The following PEAK1 variants were observed in gnomAD, a reference collection of about 807,000 sequenced individuals.
The protein encoded by PEAK1 is inactive tyrosine-protein kinase PEAK1.
A neutral mutation model predicts 124.7 loss-of-function variants in PEAK1; 54 were observed. The ratio of observed to expected loss-of-function variants is 0.43; its 90% CI spans 0.35 to 0.54. PEAK1 has a LOEUF of 0.54. Ranked by LOEUF, PEAK1 falls within the 20% of genes least tolerant of loss-of-function variation. The probability of loss-of-function intolerance (pLI) is 0.01; values close to 1 mark genes in which losing one functional copy is unlikely to be tolerated. For synonymous variants in PEAK1, 719 were observed against 760.0 expected, an observed-to-expected ratio of 0.95 and a Z score of 0.89; for missense variants, 2,046 against 2,134.5, an observed-to-expected ratio of 0.96 and a Z score of 0.82.
intron 9 of PEAK1, among the ~76,000 whole-genome samples, chr15:77,118,536 T>G (rs12904384): frequency 0.37 from 55,869 of 152,072 alleles, 11,397 homozygotes; most frequent in Non-Finnish European, 0.47. Context: ...TCCTGTCAAA[T>G]TTTTTCCTTC....
chr15:77,250,162 T>C (rs28608476), intron 6 of PEAK1, among the ~76,000 whole-genome samples: 3 of 142,248 alleles, frequency 2.1e-5, no homozygotes, highest in African/African-American at 8.0e-5. Context: ...TATACATATA[T>C]ATACATATAT....
rs1391780168 is a variant in PEAK1 at position 77,158,715 on chromosome 15, C to G, written c.3138-19G>C. The G allele has an allele frequency of 6.2e-7, 1 of 1,606,628 alleles. No individual in the cohort carries two copies. The highest frequency in any genetic ancestry group is 1.3e-5 in the African/African-American group (1 of 74,946). ...CATGTGACTGAAACAAATCAGACCA[C>G]TTGTCACACTGGTATTGGAAGGTTC... On this transcript the variant is annotated intron_variant, in intron 7 of 9. Transcript: ENST00000682557.
intron 6 of PEAK1, among the ~76,000 whole-genome samples, chr15:77,235,771 A>G (rs1035746902): frequency 6.6e-6 from 1 of 152,104 alleles, no homozygotes; most frequent in African/African-American, 2.4e-5. Context: ...GGAGGGAAAA[A>G]TGGTTTTGTG....
At chr15:77,144,468 T>C (rs1032879549) in intron 8 of PEAK1, among the ~76,000 whole-genome samples, 5 of 152,216 alleles carry the variant, frequency 3.3e-5, no homozygotes, top group African/African-American at 1.2e-4. Context: ...TTTTATAAAG[T>C]GTGTGTTTTT....
At chr15:77,201,230 G>A (rs1315649967) in intron 6 of PEAK1, among the ~76,000 whole-genome samples, 1 of 120,548 alleles carries the variant, frequency 8.3e-6, no homozygotes, top group Non-Finnish European at 1.7e-5. Context: ...AAGCCTTTGT[G>A]TCTTTTTTTT....
At chr15:77,229,893 G>A (rs146300426) in intron 6 of PEAK1, among the ~76,000 whole-genome samples, 4,993 of 151,982 alleles carry the variant, frequency 0.033, 119 homozygotes, top group Non-Finnish European at 0.049. Context: ...GTGATCCGCC[G>A]GCCTTGGCCT....
intron 6 of PEAK1, among the ~76,000 whole-genome samples, chr15:77,231,206 AGATGT>A (rs377137369): frequency 1.8e-3 from 272 of 152,318 alleles, no homozygotes; most frequent in African/African-American, 6.3e-3. Context: ...AATTGAGAAT[AGATGT>A]GGGGGAAACC....
chr15:77,254,019 C>T (rs1014972463), intron 5 of PEAK1, among the ~76,000 whole-genome samples: 6 of 152,076 alleles, frequency 3.9e-5, no homozygotes, highest in African/African-American at 1.2e-4. Context: ...AGCATTTCAC[C>T]ATGTTGGCCA....
chr15:77,287,159 A>G (rs935497049), intron 2 of PEAK1, among the ~76,000 whole-genome samples: 2 of 152,216 alleles, frequency 1.3e-5, no homozygotes, highest in Non-Finnish European at 2.9e-5. Context: ...GTACTCAGGA[A>G]GAGAAGGATG....
At chr15:77,115,672 C>T (rs931455514) in intron 9 of PEAK1, among the ~76,000 whole-genome samples, 1 of 152,194 alleles carries the variant, frequency 6.6e-6, no homozygotes, top group Non-Finnish European at 1.5e-5. Flanking sequence ...TAACCTTGCA[C>T]CTCATCAGAA....
At chr15:77,115,371 G>C in intron 9 of PEAK1, 52 bp from the exon 10 acceptor site, 1 of 1,502,630 alleles carries the variant, frequency 6.7e-7, no homozygotes, top group Non-Finnish European at 9.1e-7. Flanking sequence ...CCAGGTTTAT[G>C]ATGTATCAGG....
chr15:77,288,378 A>G (rs1444654042), intron 2 of PEAK1, among the ~76,000 whole-genome samples: 1 of 152,204 alleles, frequency 6.6e-6, no homozygotes. Context: ...TTACTTATTC[A>G]GGTACAAGAT....
At chr15:77,311,701 A>AG (rs1170633394) in intron 2 of PEAK1, among the ~76,000 whole-genome samples, 4 of 150,792 alleles carry the variant, frequency 2.7e-5, no homozygotes, top group African/African-American at 9.8e-5. Flanking sequence ...AAAAAAAAAA[A>AG]AAAAAGAAAA....
chr15:77,270,655 G>A (rs933381259), intron 5 of PEAK1, among the ~76,000 whole-genome samples: 5 of 152,112 alleles, frequency 3.3e-5, no homozygotes, highest in Admixed American at 6.6e-5. Flanking sequence ...TTGGCAATGA[G>A]GGCTCTTTTT....
chr15:77,368,095 T>C (rs568190366), intron 1 of PEAK1, among the ~76,000 whole-genome samples: 4 of 152,344 alleles, frequency 2.6e-5, no homozygotes, highest in African/African-American at 9.6e-5. Context: ...TTCTACAGTG[T>C]TTAATATGTA....
At chr15:77,197,340 C>T (rs2058155762) in intron 6 of PEAK1, among the ~76,000 whole-genome samples, 1 of 152,128 alleles carries the variant, frequency 6.6e-6, no homozygotes, top group East Asian at 1.9e-4. Flanking sequence ...TATTACTTTC[C>T]TTGGGATCTT....
Position 77,114,690 on chromosome 15 carries a change from C to A in PEAK1, c.4707G>T (p.Glu1569Asp). The A allele has an allele frequency of 6.2e-7, 1 of 1,613,806 alleles. No homozygotes were observed. The highest frequency in any genetic ancestry group is 8.5e-7 in the Non-Finnish European group (1 of 1,179,968). ...AKQKSHLVDP[E>D]ILRDQSRLAP... is the part of the protein sequence containing the mutation. ...CAAGGCGAGACTGGTCCCGGAGGAT[C>A]TCGGGGTCCACCAGATGGCTCTTCT... Residue 1569 changes from glutamate (E) to aspartate (D), a missense_variant, in exon 10 of 10, where the codon GAG becomes GAT. Transcript: ENST00000682557.
At chr15:77,228,292 T>C (rs747067326) in intron 6 of PEAK1, among the ~76,000 whole-genome samples, 1 of 152,180 alleles carries the variant, frequency 6.6e-6, no homozygotes. Flanking sequence ...CTAACATTTA[T>C]GAACATGTAC....
rs111939684 is a variant in PEAK1, at chr15:77,148,148, G to A, written c.3331+10355C>T. Among the ~76,000 whole-genome samples, 178 of 152,178 alleles carry A rather than the reference G, an allele frequency of 1.2e-3. 2 individuals carry two copies. Among genetic ancestry groups the A allele is most frequent in the African/African-American group, 4.1e-3 (172 of 41,486 alleles). The stretch of plus-strand genomic sequence containing the variant: ...CTAAAGTAAAAAAGAAAAATATATG[G>A]GTTGCATAAATCAGGAGCTCTTTGT... On this transcript the variant is annotated intron_variant, in intron 8 of 9. Coordinates refer to ENST00000682557, the MANE Select transcript of PEAK1 (RefSeq NM_001385026.1).
Sources: allele counts gnomAD v4.1 joint callset (sites outside exome capture counted in the v4.1 genomes callset), GRCh38; gene constraint gnomAD v4.1.1; transcripts MANE v1.5; gene names NCBI Gene and HGNC (gene_info 2026-07-23, HGNC 2026-07-21).